GRM1: variants seen among roughly 807,000 people sequenced by gnomAD.
GRM1 encodes the protein glutamate metabotropic receptor 1.
GRM1 carries 33 observed loss-of-function variants against 90.9 expected under a neutral mutation model. The ratio of observed to expected loss-of-function variants is 0.36; its 90% CI spans 0.28 to 0.49. The LOEUF is 0.49. Ranked by LOEUF, GRM1 falls within the 20% of genes least tolerant of loss-of-function variation. The pLI, the probability that GRM1 is intolerant of heterozygous loss-of-function variation, is 0.99. For missense variants in GRM1, 1,190 were observed against 1,534.3 expected (o/e 0.78, Z 3.75); for synonymous variants, 700 against 613.2 (o/e 1.14, Z -2.09).
chr6:146,409,822 T>C (rs1339055219), intron 7 of GRM1, among the ~76,000 whole-genome samples: 1 of 152,164 alleles, frequency 6.6e-6, no homozygotes, highest in Non-Finnish European at 1.5e-5. Context: ...TCTATGCAAA[T>C]TATCTGTAAG....
At chr6:146,190,728 G>A (rs747438432) in intron 2 of GRM1, among the ~76,000 whole-genome samples, 14 of 152,126 alleles carry the variant, frequency 9.2e-5, no homozygotes, top group East Asian at 7.7e-4. Context: ...ATCTCCATCC[G>A]TATTGCCACT....
intron 7 of GRM1, among the ~76,000 whole-genome samples, chr6:146,428,413 A>G (rs1778291137): frequency 6.6e-6 from 1 of 152,234 alleles, no homozygotes; most frequent in Admixed American, 6.5e-5. Context: ...TATTGCAATT[A>G]GAAAATTGGT....
chr6:146,083,475 C>T (rs1053387749), intron 1 of GRM1, among the ~76,000 whole-genome samples: 21 of 152,096 alleles, frequency 1.4e-4, no homozygotes, highest in African/African-American at 3.6e-4. Flanking sequence ...GCCTTGTCTG[C>T]GTCTATTGAG....
intron 3 of GRM1, among the ~76,000 whole-genome samples, chr6:146,336,060 T>C (rs1218699121): frequency 6.6e-6 from 1 of 152,182 alleles, no homozygotes; most frequent in Non-Finnish European, 1.5e-5. Context: ...GAACTGTAAA[T>C]CCATTAAACC....
At chr6:146,101,699 G>C (rs1583003489) in intron 1 of GRM1, among the ~76,000 whole-genome samples, 1 of 151,964 alleles carries the variant, frequency 6.6e-6, no homozygotes, top group East Asian at 1.9e-4. Flanking sequence ...AATGCTAAAA[G>C]TATTAATAGT....
intron 1 of GRM1, among the ~76,000 whole-genome samples, chr6:146,088,003 T>C (rs1253738847): frequency 6.6e-6 from 1 of 152,206 alleles, no homozygotes; most frequent in Admixed American, 6.5e-5. Flanking sequence ...TTTAGCTTTT[T>C]AAAGAAACTG....
chr6:146,434,482 T>G lies in GRM1; in HGVS notation c.3271T>G (p.Ser1091Ala). ...QLSTFGEELV[S>A]PPADDDDDSE... ...GAGCACCTTTGGGGAGGAGCTGGTC[T>G]CCCCGCCCGCGGACGACGACGACGA... The change falls in exon 8 of 8, where the codon TCC (serine) becomes GCC (alanine). Residue 1091 changes from serine to alanine, a missense_variant. By Grantham distance (99) the Ser-to-Ala change is moderately conservative (BLOSUM62 1). Around this residue, in one of 10 missense-constraint regions of GRM1, gnomAD observed 400 missense variants for 360.8 expected, o/e 1.11. Transcript: ENST00000282753. The G allele has an allele frequency of 6.2e-7, 1 of 1,613,838 alleles. No individual in the cohort carries two copies. The highest frequency in any genetic ancestry group is 8.5e-7 in the Non-Finnish European group (1 of 1,179,964).
chr6:146,183,182 G>T (rs1359317933), intron 2 of GRM1, among the ~76,000 whole-genome samples: 1 of 152,064 alleles, frequency 6.6e-6, no homozygotes, highest in Non-Finnish European at 1.5e-5. Context: ...AAGAGAAAAG[G>T]AGACAAGTGG....
chr6:146,338,804 C>T (rs759976259), intron 3 of GRM1, among the ~76,000 whole-genome samples: 4 of 152,248 alleles, frequency 2.6e-5, no homozygotes, highest in Non-Finnish European at 5.9e-5. Context: ...ATCTGCCCTG[C>T]CCCCTCCACA....
At chr6:146,075,294 A>C (rs184083981) in intron 1 of GRM1, among the ~76,000 whole-genome samples, 3 of 152,324 alleles carry the variant, frequency 2.0e-5, no homozygotes, top group Admixed American at 2.0e-4. Flanking sequence ...TTCCTTATTT[A>C]TTTAACAAAT....
intron 2 of GRM1, among the ~76,000 whole-genome samples, chr6:146,209,499 A>T (rs960586883): frequency 6.6e-6 from 1 of 152,172 alleles, no homozygotes. Flanking sequence ...AAAGGCTGAC[A>T]GTCCATGGTG....
intron 2 of GRM1, among the ~76,000 whole-genome samples, chr6:146,266,411 T>C (rs1303851435): frequency 6.6e-6 from 1 of 152,208 alleles, no homozygotes; most frequent in Non-Finnish European, 1.5e-5. Context: ...TTCATTTTTT[T>C]CCTTCCCTCA....
chr6:146,187,329 A>T (rs1429459918), intron 2 of GRM1, among the ~76,000 whole-genome samples: 1 of 152,186 alleles, frequency 6.6e-6, no homozygotes, highest in Non-Finnish European at 1.5e-5. Context: ...AAAATAAATG[A>T]AGACTGCATC....
chr6:146,104,268 G>A (rs983530988), intron 1 of GRM1, among the ~76,000 whole-genome samples: 1 of 151,946 alleles, frequency 6.6e-6, no homozygotes, highest in East Asian at 1.9e-4. Flanking sequence ...GTGAAACCCC[G>A]TCTCTACTAA....
At chr6:146,107,372 T>TTG (rs1775348461) in intron 1 of GRM1, among the ~76,000 whole-genome samples, 4 of 152,046 alleles carry the variant, frequency 2.6e-5, no homozygotes, top group African/African-American at 9.7e-5. Flanking sequence ...TTTTTTTTTT[T>TTG]TATGGTTTTA....
chr6:146,399,689 G>C lies in GRM1; in HGVS notation c.2650G>C (p.Gly884Arg). Residue 884 changes from glycine (G) to arginine (R), a missense_variant, in exon 7 of 8, where the codon GGG (glycine) becomes CGG (arginine). By Grantham distance (125) the Gly-to-Arg change is moderately radical. Transcript: ENST00000282753. The surrounding 1 kb of genome is among the most constrained non-coding windows in gnomAD (Gnocchi z 5.4). ...CTTCCGAAGAAAGAAGGCAGGGGCA[G>C]GGAATGCCAAGTGAGTTATCTGACC... ...NIFRRKKAGAGNANSNGKSVS... is the reference protein window; with the variant it reads ...NIFRRKKAGARNANSNGKSVS... 6.2e-7 allele frequency: 1 copy of C among 1,609,262 alleles called. No homozygotes were observed. The highest frequency in any genetic ancestry group is 8.5e-7 in the Non-Finnish European group (1 of 1,178,160).
chr6:146,089,474 G>A (rs1054748307), intron 1 of GRM1, among the ~76,000 whole-genome samples: 2 of 152,082 alleles, frequency 1.3e-5, no homozygotes, highest in Non-Finnish European at 2.9e-5. Context: ...TAATGTGTGT[G>A]TGTTGCTTCA....
intron 2 of GRM1, among the ~76,000 whole-genome samples, chr6:146,273,646 A>G (rs1486486057): frequency 1.3e-5 from 2 of 152,200 alleles, no homozygotes; most frequent in African/African-American, 4.8e-5. Context: ...TAGTAGTCAC[A>G]TGATCTCTCT....
intron 7 of GRM1, among the ~76,000 whole-genome samples, chr6:146,425,944 G>A (rs1421073933): frequency 6.6e-6 from 1 of 152,148 alleles, no homozygotes. Context: ...ACTATCCTAG[G>A]TGCTGTATAA....
Sources: gnomAD v4.1 joint callset for allele counts (sites outside exome capture counted in the v4.1 genomes callset) on GRCh38, gnomAD v4.1.1 for gene constraint, gnomAD v4.1.1 regional missense constraint, Gnocchi (gnomAD v3.1) non-coding constraint, MANE v1.5 for transcripts, NCBI Gene and HGNC (gene_info 2026-07-23, HGNC 2026-07-21) for gene names.